The following FKTN variants were observed in gnomAD, a reference collection of about 807,000 sequenced individuals.
The protein encoded by FKTN is fukutin.
FKTN carries 47 observed loss-of-function variants against 58.6 expected under a neutral mutation model. That is an observed-to-expected ratio of 0.80 (90% CI 0.63 to 1.02). FKTN has a LOEUF of 1.02. Among genes scored for constraint, FKTN ranks in the 50% least tolerant of loss-of-function variants. The probability of loss-of-function intolerance (pLI) is 0.00; values close to 1 mark genes in which losing one functional copy is unlikely to be tolerated. For synonymous variants in FKTN, 178 were observed against 191.9 expected (o/e 0.93, Z 0.60); for missense variants, 516 against 537.3 (o/e 0.96, Z 0.39).
intron 10 of FKTN, among the ~76,000 whole-genome samples, chr9:105,623,988 C>A (rs1291910287): frequency 1.3e-5 from 2 of 152,034 alleles, no homozygotes; most frequent in African/African-American, 4.8e-5. Context: ...TTAAAAAATT[C>A]TGTGGGCATC....
chr9:105,635,857 G>C lies in FKTN; in HGVS notation c.*593G>C. 1 of 993,106 alleles carries C rather than the reference G, an allele frequency of 1.0e-6. No homozygotes were observed. The highest frequency in any genetic ancestry group is 1.2e-6 in the Non-Finnish European group (1 of 833,818). The allele number at this position is 993,106 out of a possible 1,614,324, so 61.5% of individuals were successfully genotyped here. On this transcript the variant is annotated 3_prime_UTR_variant, in exon 11 of 11. Transcript: ENST00000357998. ...AACAAGGCATTATTCTTTTAGGGAA[G>C]GTGAGAGCTTATTTGTATCAGAGCT...
At position 105,603,952 on chromosome 9, in the gene FKTN, G is replaced by A. The variant is rs1828375625; in HGVS notation, c.370-263G>A. 1.1e-5 allele frequency: 5 copies of A among 462,458 alleles called. No individual in the cohort carries two copies. In the Admixed American group the frequency reaches 1.3e-4, roughly 12 times the overall value. 28.6% of individuals were successfully genotyped at this position (462,458 alleles called of 1,614,324 possible). On this transcript the variant is annotated intron_variant, in intron 5 of 10. Coordinates refer to ENST00000357998, the MANE Select transcript of FKTN (RefSeq NM_001079802.2). Reference sequence around the variant, plus strand: ...CAAAGCGCTGGGATTACAGGGGTGAGCTATGGTGCCCAACCTATAAAGAGA... The same window carrying A: ...CAAAGCGCTGGGATTACAGGGGTGAACTATGGTGCCCAACCTATAAAGAGA...
At chr9:105,619,539 A>G (rs1831479569) in intron 9 of FKTN, among the ~76,000 whole-genome samples, 2 of 151,970 alleles carry the variant, frequency 1.3e-5, no homozygotes, top group South Asian at 4.2e-4. Context: ...GTACTTATTG[A>G]TTGTTATGAG....
intron 10 of FKTN, among the ~76,000 whole-genome samples, chr9:105,626,429 T>TTA (rs1832748018): frequency 6.6e-6 from 1 of 152,184 alleles, no homozygotes; most frequent in Non-Finnish European, 1.5e-5. Flanking sequence ...TCAAGCTCCC[T>TTA]TAGGCCTTTT....
intron 10 of FKTN, among the ~76,000 whole-genome samples, chr9:105,632,483 A>T (rs1488749967): frequency 6.6e-6 from 1 of 151,472 alleles, no homozygotes; most frequent in Non-Finnish European, 1.5e-5. Context: ...AGGTTCAGTT[A>T]TAGTTGATGT....
intron 10 of FKTN, chr9:105,624,345 T>C (rs549837220): frequency 2.0e-5 from 3 of 152,298 alleles, no homozygotes; most frequent in South Asian, 2.1e-4. Context: ...ATTACCTTTC[T>C]GGCCAGGCAC....
At chr9:105,564,454 G>T (rs1448194889) in intron 1 of FKTN, among the ~76,000 whole-genome samples, 1 of 152,186 alleles carries the variant, frequency 6.6e-6, no homozygotes, top group Non-Finnish European at 1.5e-5. Context: ...AGTCCTTAAA[G>T]GACCTGATGG....
At chr9:105,592,322 A>C (rs981765290) in intron 3 of FKTN, among the ~76,000 whole-genome samples, 13 of 152,160 alleles carry the variant, frequency 8.5e-5, no homozygotes, top group Non-Finnish European at 1.9e-4. Flanking sequence ...GCCAGGCCAG[A>C]TCTTGAACTC....
chr9:105,626,565 A>C (rs988519742), intron 10 of FKTN, among the ~76,000 whole-genome samples: 2 of 152,226 alleles, frequency 1.3e-5, no homozygotes, highest in Non-Finnish European at 2.9e-5. Flanking sequence ...AGACATAAAC[A>C]TTCAAACCAC....
At chr9:105,603,976 G>C (rs561242197) in intron 5 of FKTN, among the ~76,000 whole-genome samples, 76 of 152,104 alleles carry the variant, frequency 5.0e-4, no homozygotes, top group Non-Finnish European at 7.7e-4. Flanking sequence ...CCTATAAAGA[G>C]AGTCTTTGGC....
chr9:105,578,124 G>A (rs1476332546), intron 3 of FKTN, among the ~76,000 whole-genome samples: 25 of 150,802 alleles, frequency 1.7e-4, no homozygotes, highest in African/African-American at 3.5e-4. Context: ...AACAGGGACA[G>A]TTTGACTTCC....
In FKTN at chr9:105,640,160, T is replaced by C; in HGVS notation, c.*4896T>C. The C allele has an allele frequency of 6.5e-7, 1 of 1,535,186 alleles. No individual in the cohort carries two copies. The highest frequency in any genetic ancestry group is 8.7e-7 in the Non-Finnish European group (1 of 1,146,620). On this transcript the variant is annotated 3_prime_UTR_variant, in exon 11 of 11. Transcript: ENST00000357998. The stretch of plus-strand genomic sequence containing the variant: ...GCTGCTTCACATCAGACTGAAATCC[T>C]AATTACAGTTCATAAGTGAAACAGA...
At chr9:105,632,908 A>G (rs191497238) in intron 10 of FKTN, among the ~76,000 whole-genome samples, 42 of 152,334 alleles carry the variant, frequency 2.8e-4, no homozygotes, top group Admixed American at 2.7e-3. Flanking sequence ...CTTAGCTTTA[A>G]AAGCCAAGGT....
chr9:105,635,182 A>G lies in FKTN; in HGVS notation c.1304A>G (p.Asp435Gly), dbSNP rs377684183. ...TGGAAGATTCCTGTAAAGACGTGGG[A>G]CTGGAAGCGCTCTCCTCCCAATGTG... ...KTWKIPVKTW[D>G]WKRSPPNVQP... The change falls in exon 11 of 11, where the codon GAC becomes GGC. Residue 435 changes from aspartate to glycine, a missense_variant. Asp to Gly is a moderately conservative substitution (Grantham distance 94, BLOSUM62 -1). Coordinates refer to ENST00000357998, the MANE Select transcript of FKTN (RefSeq NM_001079802.2). 6 of 1,614,078 alleles carry G rather than the reference A, an allele frequency of 3.7e-6. No individual in the cohort carries two copies. The highest frequency in any genetic ancestry group is 5.1e-6 in the Non-Finnish European group (6 of 1,180,038).
intron 8 of FKTN, among the ~76,000 whole-genome samples, chr9:105,616,089 G>A (rs1196419038): frequency 1.3e-5 from 2 of 152,160 alleles, no homozygotes; most frequent in African/African-American, 4.8e-5. Context: ...TGAAAGATTT[G>A]ATTTAACACT....
At chr9:105,584,224 C>T (rs573650668) in intron 3 of FKTN, among the ~76,000 whole-genome samples, 1 of 152,142 alleles carries the variant, frequency 6.6e-6, no homozygotes, top group African/African-American at 2.4e-5. Context: ...GCATGTTATA[C>T]AGAAAGAAAC....
intron 10 of FKTN, among the ~76,000 whole-genome samples, chr9:105,624,103 A>G (rs1479064900): frequency 1.3e-5 from 2 of 152,208 alleles, no homozygotes; most frequent in Non-Finnish European, 2.9e-5. Context: ...GTTTTGATAC[A>G]TATTGCCAGG....
At chr9:105,564,366 T>G (rs995148292) in intron 1 of FKTN, among the ~76,000 whole-genome samples, 7 of 152,110 alleles carry the variant, frequency 4.6e-5, no homozygotes, top group African/African-American at 1.7e-4. Flanking sequence ...AAGGAGGAAG[T>G]TCAAACCCAA....
At chr9:105,559,161 G>A (rs562579452) in intron 1 of FKTN, among the ~76,000 whole-genome samples, 2 of 152,320 alleles carry the variant, frequency 1.3e-5, no homozygotes, top group East Asian at 1.9e-4. Flanking sequence ...ATTCCAGCAT[G>A]CAATAGTGTA....
Sources: gnomAD v4.1 joint callset for allele counts (sites outside exome capture counted in the v4.1 genomes callset) on GRCh38, gnomAD v4.1.1 for gene constraint, MANE v1.5 for transcripts, NCBI Gene and HGNC (gene_info 2026-07-23, HGNC 2026-07-21) for gene names.